Variants in BASP1 observed in about 807,000 individuals in gnomAD.
BASP1 encodes the protein brain abundant membrane attached signal protein 1.
Under a neutral mutation model 2.2 loss-of-function variants are expected in BASP1, and 1 was observed. The ratio of observed to expected loss-of-function variants is 0.46; its 90% confidence interval spans 0.16 to 2.17. The LOEUF is 2.17. Ranked by LOEUF, BASP1 falls within the 30% of genes most tolerant of loss-of-function variation. The pLI is 0.27. For missense variants in BASP1, 352 were observed against 327.2 expected (o/e 1.08, Z -0.58); for synonymous variants, 187 against 154.2 (o/e 1.21, Z -1.58).
intron 1 of BASP1, among the ~76,000 whole-genome samples, chr5:17,224,467 G>A (rs1739454431): frequency 7.7e-6 from 1 of 129,344 alleles, no homozygotes; most frequent in Non-Finnish European, 1.6e-5. Flanking sequence ...GGAAAAAAGG[G>A]GAAGGGGGGC....
intron 1 of BASP1, among the ~76,000 whole-genome samples, chr5:17,232,746 G>A (rs1739660747): frequency 6.6e-6 from 1 of 151,880 alleles, no homozygotes; most frequent in Admixed American, 6.6e-5. Flanking sequence ...GGAGGAGGTG[G>A]GGCACAACTA....
intron 1 of BASP1, among the ~76,000 whole-genome samples, chr5:17,250,464 A>G (rs938149008): frequency 6.6e-6 from 1 of 152,228 alleles, no homozygotes; most frequent in African/African-American, 2.4e-5. Context: ...GGAGAAGTCA[A>G]TGAACAGACT....
rs35430036 is a variant in BASP1, at chr5:17,221,365, G to GTTT, written c.-10+3573_-10+3575dup. ...CTTATTTTTGTGATCTCTTGTAAAT[G>GTTT]TTTTTTTTTTTTTTTTTTTTAAATA... is the stretch of plus-strand genomic sequence containing the variant. On this transcript the variant is annotated intron_variant, in intron 1 of 1. Transcript: ENST00000322611. Among the ~76,000 whole-genome samples, 330 of 120,992 alleles carry GTTT rather than the reference G, an allele frequency of 2.7e-3. 2 individuals are homozygous for GTTT. Among genetic ancestry groups the GTTT allele is most frequent in the African/African-American group, 0.01 (314 of 30,308 alleles). The allele number at this position is 120,992 out of a possible 152,430, so 79.4% of individuals were successfully genotyped here. A position where few individuals can be genotyped will look rare whatever the true frequency, so the allele number is the denominator to read the frequency against.
chr5:17,228,955 G>C (rs1050327025), intron 1 of BASP1, among the ~76,000 whole-genome samples: 1 of 152,064 alleles, frequency 6.6e-6, no homozygotes, highest in Non-Finnish European at 1.5e-5. Context: ...ACCCAAGCCA[G>C]TTTTGAGTTG....
chr5:17,246,285 GC>G (rs958909812), intron 1 of BASP1, among the ~76,000 whole-genome samples: 3 of 151,742 alleles, frequency 2.0e-5, no homozygotes, highest in African/African-American at 7.3e-5. Flanking sequence ...TTCGAGGCCT[GC>G]CTGGCCAACA....
chr5:17,264,104 A>G, intron 1 of BASP1, among the ~76,000 whole-genome samples: 1 of 152,172 alleles, frequency 6.6e-6, no homozygotes, highest in East Asian at 1.9e-4. Context: ...CATTACCTTT[A>G]TTTCATTTTC....
rs1230788695 is a variant in BASP1 at position 17,275,019 on chromosome 5, A to G, written c.-9-189A>G. Among the ~76,000 whole-genome samples the G allele has an allele frequency of 1.3e-5, 2 of 152,022 alleles. No homozygotes were observed. Among genetic ancestry groups the G allele is most frequent in the Non-Finnish European group, 1.5e-5 (1 of 68,018 alleles). ...ATTCCAGCCTGGGTAACATAGCGAG[A>G]CCCTGTCTCAAAAATAAATACATGA... is the stretch of plus-strand genomic sequence containing the variant. On this transcript the variant is annotated intron_variant, in intron 1 of 1. Coordinates refer to ENST00000322611, the MANE Select transcript of BASP1 (RefSeq NM_006317.5). The surrounding 1 kb of genome is among the most constrained non-coding windows in gnomAD (Gnocchi z 5.3).
intron 1 of BASP1, among the ~76,000 whole-genome samples, chr5:17,233,746 A>AGAT (rs1739682111): frequency 6.6e-6 from 1 of 151,720 alleles, no homozygotes; most frequent in African/African-American, 2.4e-5. Flanking sequence ...GTTTCCAAGT[A>AGAT]GATGATATTT....
intron 1 of BASP1, among the ~76,000 whole-genome samples, chr5:17,228,880 A>G (rs936521661): frequency 4.6e-5 from 7 of 152,220 alleles, no homozygotes; most frequent in African/African-American, 1.7e-4. Context: ...AAAAAGGGCA[A>G]AGAAGTCCAG....
Position 17,260,604 on chromosome 5 carries a change from T to G in BASP1, c.-9-14604T>G, listed in dbSNP as rs1740295486. Among the ~76,000 whole-genome samples, 2 of 152,252 alleles carry G rather than the reference T, an allele frequency of 1.3e-5. No homozygotes were observed. ...ATTTAGTTTATTGATTTTTTTCTAC[T>G]GCTGGTGAAAGGTAAGTTACATAAC... On this transcript the variant is annotated intron_variant, in intron 1 of 1. Coordinates refer to ENST00000322611, the MANE Select transcript of BASP1 (RefSeq NM_006317.5). The surrounding 1 kb of genome is among the most constrained non-coding windows in gnomAD (Gnocchi z 4.2).
intron 1 of BASP1, among the ~76,000 whole-genome samples, chr5:17,273,847 A>T (rs149338307): frequency 1.3e-5 from 2 of 152,128 alleles, no homozygotes; most frequent in East Asian, 3.9e-4. Flanking sequence ...CATTTATGGG[A>T]CTAACGAGGA....
At position 17,275,777 on chromosome 5, in the gene BASP1, C is replaced by T; in HGVS notation, c.561C>T (p.Pro187=). ...CTGCCCCCTCTTCCAAGGAGACCCC[C>T]GCAGCCACGGAAGCGCCTAGTTCCA... ...SEAAPSSKET[P]AATEAPSSTP... is the part of the protein sequence containing the mutation. The change falls in exon 2 of 2, where the codon CCC becomes CCT. Residue 187 remains proline (P), a synonymous_variant. Coordinates refer to ENST00000322611, the MANE Select transcript of BASP1 (RefSeq NM_006317.5). This position sits in a 1 kb window ranked among gnomAD's most constrained non-coding sequence, Gnocchi z 5.3. 2 of 1,613,184 alleles carry T rather than the reference C, an allele frequency of 1.2e-6. No individual in the cohort carries two copies. Among genetic ancestry groups the T allele is most frequent in the African/African-American group, 1.3e-5 (1 of 75,010 alleles).
chr5:17,264,861 C>G (rs1740387019), intron 1 of BASP1, among the ~76,000 whole-genome samples: 1 of 152,056 alleles, frequency 6.6e-6, no homozygotes, highest in African/African-American at 2.4e-5. Context: ...AAAGTAGAAA[C>G]TTTATAGTGG....
intron 1 of BASP1, among the ~76,000 whole-genome samples, chr5:17,233,936 C>T (rs1485067661): frequency 6.6e-6 from 1 of 152,056 alleles, no homozygotes; most frequent in Admixed American, 6.6e-5. Context: ...CTATACCAGC[C>T]TGGCTAACAT....
At position 17,275,942 on chromosome 5, in the gene BASP1, C is replaced by CT; in HGVS notation, c.*43dup. ...GAAAAACAATACCACTTAAAACAAT[C>CT]TCCTCTCTCTCTCTCTCTCTCTCTC... is the stretch of plus-strand genomic sequence containing the variant. On this transcript the variant is annotated 3_prime_UTR_variant, in exon 2 of 2. Coordinates refer to ENST00000322611, the MANE Select transcript of BASP1 (RefSeq NM_006317.5). This position sits in a 1 kb window ranked among gnomAD's most constrained non-coding sequence, Gnocchi z 5.3. 6 of 1,360,990 alleles carry CT rather than the reference C, an allele frequency of 4.4e-6. No homozygotes were observed. The highest frequency in any genetic ancestry group is 5.7e-6 in the Non-Finnish European group (6 of 1,050,058). The allele number at this position is 1,360,990 out of a possible 1,614,324, so 84.3% of individuals were successfully genotyped here.
intron 1 of BASP1, among the ~76,000 whole-genome samples, chr5:17,223,707 C>A (rs1157251135): frequency 1.3e-5 from 2 of 152,114 alleles, no homozygotes; most frequent in African/African-American, 2.4e-5. Flanking sequence ...TATGTTGAGA[C>A]CTGGACTCAC....
chr5:17,240,328 A>G (rs974025745), intron 1 of BASP1, among the ~76,000 whole-genome samples: 2 of 152,056 alleles, frequency 1.3e-5, no homozygotes, highest in Non-Finnish European at 2.9e-5. Context: ...TGAGGTCAGA[A>G]GTTTGAAACC....
chr5:17,248,958 C>T (rs140814587), intron 1 of BASP1, among the ~76,000 whole-genome samples: 2,053 of 152,304 alleles, frequency 0.013, 25 homozygotes, highest in Non-Finnish European at 0.02. Flanking sequence ...ACCATCAACA[C>T]ACACTCCCAT....
rs1213081775 is a variant in BASP1, at chr5:17,275,957, CTCTCTCTCTCTCTA to C, written c.*69_*82del. 3.6e-5 allele frequency: 50 copies of C among 1,401,386 alleles called. No homozygotes were observed. Among genetic ancestry groups the C allele is most frequent in the Admixed American group, 1.1e-4 (4 of 38,072 alleles). 86.8% of individuals were successfully genotyped at this position (1,401,386 alleles called of 1,614,324 possible). A position where few individuals can be genotyped will look rare whatever the true frequency, so the allele number is the denominator to read the frequency against. Reference sequence around the variant, plus strand: ...TTAAAACAATCTCCTCTCTCTCTCTCTCTCTCTCTCTCTATCTCTCTCTCTATCTCCTCTCTCTC... The same window carrying C: ...TTAAAACAATCTCCTCTCTCTCTCTCTCTCTCTCTCTATCTCCTCTCTCTC... On this transcript the variant is annotated 3_prime_UTR_variant, in exon 2 of 2. Transcript: ENST00000322611. This position sits in a 1 kb window ranked among gnomAD's most constrained non-coding sequence, Gnocchi z 5.3.
Sources: gnomAD v4.1 joint callset for allele counts (sites outside exome capture counted in the v4.1 genomes callset) on GRCh38, gnomAD v4.1.1 for gene constraint, Gnocchi (gnomAD v3.1) non-coding constraint, MANE v1.5 for transcripts, NCBI Gene and HGNC (gene_info 2026-07-23, HGNC 2026-07-21) for gene names.